Variants in ESRP1 observed in about 807,000 individuals in gnomAD.
ESRP1 encodes RNA-binding motif protein 35A.
In ESRP1, 33 loss-of-function variants were observed where a neutral mutation model predicts 81.7. That is an observed-to-expected ratio of 0.40 (90% CI 0.31 to 0.54). The LOEUF (loss-of-function observed/expected upper bound fraction) is 0.54, where lower values mean the gene tolerates loss of function less well. ESRP1 is among the 20% of genes least tolerant of loss of function. ESRP1 has a pLI of 0.41. For missense variants in ESRP1, 672 were observed against 833.1 expected (o/e 0.81, Z 2.38); for synonymous variants, 320 against 303.3 (o/e 1.06, Z -0.57).
rs201029488 is a variant in ESRP1 at position 94,671,527 on chromosome 8, A to G, written c.1308A>G (p.Gln436=). Residue 436 remains glutamine, a synonymous_variant, in exon 11 of 16, where the codon CAA becomes CAG. Coordinates refer to ENST00000433389, the MANE Select transcript of ESRP1 (RefSeq NM_017697.4). ...TPPIIPVLPQ[Q]FVPPTNVRDC... is the part of the protein sequence containing the mutation. ...CCATTATTCCAGTACTACCTCAGCAATTTGTGCCCCCTACAAATGTTAGAG... is the reference window on the plus strand; with the variant it reads ...CCATTATTCCAGTACTACCTCAGCAGTTTGTGCCCCCTACAAATGTTAGAG... 9 of 1,613,840 alleles carry G rather than the reference A, an allele frequency of 5.6e-6. No individual in the cohort carries two copies. In the African/African-American group the frequency reaches 1.2e-4, roughly 22 times the overall value.
intron 13 of ESRP1, 41 bp from the exon 14 acceptor site, chr8:94,692,636 T>G (rs1385671309): frequency 1.9e-6 from 3 of 1,588,348 alleles, no homozygotes. Flanking sequence ...TATTCAACAT[T>G]GTCTATTCCT....
chr8:94,675,635 C>G (rs993283465), intron 12 of ESRP1, among the ~76,000 whole-genome samples: 3 of 152,172 alleles, frequency 2.0e-5, no homozygotes, highest in African/African-American at 7.2e-5. Context: ...ATATAAACCA[C>G]TGGTAATGTC....
chr8:94,689,139 T>G (rs1809265941), intron 13 of ESRP1, among the ~76,000 whole-genome samples: 1 of 150,708 alleles, frequency 6.6e-6, no homozygotes, highest in African/African-American at 2.4e-5. Flanking sequence ...TAATCCCAGG[T>G]ACTTGGGAGG....
chr8:94,667,068 G>GGTGTGTGTGTGTGTGTGTGTGTGT lies in ESRP1; in HGVS notation c.932-878_932-855dup, dbSNP rs1163646804. Among the ~76,000 whole-genome samples, 701 of 144,270 alleles carry GGTGTGTGTGTGTGTGTGTGTGTGT rather than the reference G, an allele frequency of 4.9e-3. 9 individuals carry two copies. The highest frequency in any genetic ancestry group is 0.017 in the African/African-American group (634 of 37,920). 94.6% of individuals were successfully genotyped at this position (144,270 alleles called of 152,430 possible). A position where few individuals can be genotyped will look rare whatever the true frequency, so the allele number is the denominator to read the frequency against. Reference sequence around the variant, plus strand: ...TAATACACAAATTAGCCAGGAGAGGGGTGTGTGTGTGTGTGTGTGTGTGTG... The same window carrying GGTGTGTGTGTGTGTGTGTGTGTGT: ...TAATACACAAATTAGCCAGGAGAGGGGTGTGTGTGTGTGTGTGTGTGTGTGTGTGTGTGTGTGTGTGTGTGTGTG... On this transcript the variant is annotated intron_variant, in intron 9 of 15. Coordinates refer to ENST00000433389, the MANE Select transcript of ESRP1 (RefSeq NM_017697.4).
intron 6 of ESRP1, 66 bp from the exon 7 acceptor site, chr8:94,664,631 A>G: frequency 9.0e-7 from 1 of 1,116,054 alleles, no homozygotes; most frequent in Non-Finnish European, 1.4e-6. Flanking sequence ...GTTGTCTTGC[A>G]GGGGGTAATA....
intron 12 of ESRP1, 122 bp downstream of exon 12, chr8:94,674,628 C>T: frequency 1.3e-6 from 1 of 795,122 alleles, no homozygotes; most frequent in South Asian, 2.0e-5. Context: ...ATATAAGGCT[C>T]TCCCATCTGT....
At chr8:94,695,698 A>G (rs1398469271) in intron 14 of ESRP1, among the ~76,000 whole-genome samples, 1 of 152,096 alleles carries the variant, frequency 6.6e-6, no homozygotes, top group East Asian at 1.9e-4. Context: ...AGCTGAAGAA[A>G]TTTGATGGTC....
At chr8:94,646,685 T>C (rs903999136) in intron 4 of ESRP1, among the ~76,000 whole-genome samples, 3 of 152,150 alleles carry the variant, frequency 2.0e-5, no homozygotes, top group African/African-American at 7.2e-5. Flanking sequence ...GGTGGATATA[T>C]CCCCTTTACA....
chr8:94,680,823 C>G (rs1470350707), intron 13 of ESRP1, among the ~76,000 whole-genome samples: 3 of 152,150 alleles, frequency 2.0e-5, no homozygotes, highest in Non-Finnish European at 4.4e-5. Context: ...GGCCTCCACT[C>G]TGATAAGTGG....
chr8:94,702,651 T>C (rs796932848), intron 15 of ESRP1, among the ~76,000 whole-genome samples: 3 of 152,180 alleles, frequency 2.0e-5, no homozygotes. Flanking sequence ...GCCTAGCTAA[T>C]TTTTTGTATT....
At chr8:94,650,709 T>A (rs1220406198) in intron 4 of ESRP1, among the ~76,000 whole-genome samples, 3 of 149,756 alleles carry the variant, frequency 2.0e-5, no homozygotes, top group Non-Finnish European at 3.0e-5. Flanking sequence ...ATAGGTTTTT[T>A]AAATCATTTT....
chr8:94,694,228 A>G (rs1809510459), intron 14 of ESRP1, among the ~76,000 whole-genome samples: 1 of 152,232 alleles, frequency 6.6e-6, no homozygotes. Flanking sequence ...TTGTTTGACT[A>G]ACAAACTTTT....
At chr8:94,674,173 C>T (rs1422241553) in intron 11 of ESRP1, 135 bp from the exon 12 acceptor site, 2 of 924,078 alleles carry the variant, frequency 2.2e-6, no homozygotes, top group Non-Finnish European at 3.3e-6. Context: ...TCCAGCAGAT[C>T]ACACCATCAC....
intron 4 of ESRP1, among the ~76,000 whole-genome samples, chr8:94,661,547 A>G (rs1357808792): frequency 6.6e-6 from 1 of 152,190 alleles, no homozygotes; most frequent in Non-Finnish European, 1.5e-5. Context: ...TTTGATGGAA[A>G]TACATCCTTA....
At chr8:94,665,666 T>C (rs1432776273) in intron 9 of ESRP1, among the ~76,000 whole-genome samples, 1 of 152,124 alleles carries the variant, frequency 6.6e-6, no homozygotes, top group Non-Finnish European at 1.5e-5. Context: ...TAACTTTTTG[T>C]ATTTTTAATA....
chr8:94,678,174 T>A (rs373383900), intron 12 of ESRP1, 29 bp from the exon 13 acceptor site: 6 of 1,610,500 alleles, frequency 3.7e-6, no homozygotes. Flanking sequence ...TACAAATATG[T>A]CTCAAAGAAT....
intron 12 of ESRP1, among the ~76,000 whole-genome samples, chr8:94,675,144 T>A (rs1052457050): frequency 1.3e-5 from 2 of 151,634 alleles, no homozygotes; most frequent in African/African-American, 4.8e-5. Context: ...TCTGGAATCC[T>A]ATTTGAGGGG....
intron 9 of ESRP1, among the ~76,000 whole-genome samples, chr8:94,665,556 A>G (rs1586204204): frequency 6.6e-6 from 1 of 152,294 alleles, no homozygotes; most frequent in Non-Finnish European, 1.5e-5. Flanking sequence ...CGGTGGCACA[A>G]TCTCAGCTCG....
intron 12 of ESRP1, among the ~76,000 whole-genome samples, chr8:94,675,123 G>C (rs1819526465): frequency 6.6e-6 from 1 of 152,164 alleles, no homozygotes; most frequent in Non-Finnish European, 1.5e-5. Context: ...TTGGCACCTG[G>C]GTGCAAGCCA....
Sources: allele counts gnomAD v4.1 joint callset (sites outside exome capture counted in the v4.1 genomes callset), GRCh38; gene constraint gnomAD v4.1.1; transcripts MANE v1.5; gene names NCBI Gene and HGNC (gene_info 2026-07-23, HGNC 2026-07-21).